CD9: variants seen among roughly 807,000 people sequenced by gnomAD.
CD9 encodes CD9 antigen.
In CD9, 10 loss-of-function variants were observed where a neutral mutation model predicts 31.4. The ratio of observed to expected loss-of-function variants is 0.32; its 90% CI spans 0.20 to 0.54. The LOEUF is 0.54. Ranked by LOEUF, CD9 falls within the 20% of genes least tolerant of loss-of-function variation. The pLI is 0.94. For synonymous variants in CD9, 113 were observed against 114.1 expected (o/e 0.99, Z 0.06); for missense variants, 259 against 300.1 (o/e 0.86, Z 1.01).
At chr12:6,206,281 A>ATCATGGC (rs1946131348) in intron 1 of CD9, among the ~76,000 whole-genome samples, 1 of 151,848 alleles carries the variant, frequency 6.6e-6, no homozygotes. Flanking sequence ...AGTGTTAACA[A>ATCATGGC]TCATGGCTCA....
chr12:6,200,842 GAGCACTTT>G (rs1393138447), intron 1 of CD9: 10 of 383,880 alleles, frequency 2.6e-5, no homozygotes, highest in African/African-American at 1.7e-4. Context: ...GGAGGGTCCT[GAGCACTTT>G]AGCTCGCCTA....
chr12:6,211,482 G>C (rs1175418004), intron 1 of CD9, among the ~76,000 whole-genome samples: 1 of 152,178 alleles, frequency 6.6e-6, no homozygotes, highest in Non-Finnish European at 1.5e-5. Context: ...TGCCACTCCA[G>C]GCACCACCTG....
Position 6,235,265 on chromosome 12 carries a change from T to C in CD9, c.385T>C (p.Tyr129His), listed in dbSNP as rs1398910885. Residue 129 changes from tyrosine (Y) to histidine (H), a missense_variant, in exon 5 of 8, where the codon TAC becomes CAC. By Grantham distance (83) the Tyr-to-His change is moderately conservative. Transcript: ENST00000009180. Reference protein sequence around the residue: ...KEVQEFYKDTYNKLKTKDEPQ... With the variant: ...KEVQEFYKDTHNKLKTKDEPQ... ...AGTCCAGGAGTTTTACAAGGACACC[T>C]ACAACAAGCTGAAAACCAAGGATGA... 1 of 1,612,480 alleles carries C rather than the reference T, an allele frequency of 6.2e-7. No individual in the cohort carries two copies. Among genetic ancestry groups the C allele is most frequent in the South Asian group, 1.1e-5 (1 of 91,072 alleles).
chr12:6,237,702 T>C, intron 7 of CD9, 61 bp from the exon 8 acceptor site: 1 of 1,298,122 alleles, frequency 7.7e-7, no homozygotes, highest in Non-Finnish European at 1.1e-6. Context: ...GTCTCTCCCT[T>C]TCCCTCAGCC....
At chr12:6,213,678 A>G (rs915171701) in intron 1 of CD9, among the ~76,000 whole-genome samples, 2 of 152,184 alleles carry the variant, frequency 1.3e-5, no homozygotes, top group Admixed American at 6.5e-5. Context: ...TCCCAGAGAG[A>G]TGCAGAGCCA....
At chr12:6,223,293 G>C (rs1446243044) in intron 1 of CD9, among the ~76,000 whole-genome samples, 7 of 146,504 alleles carry the variant, frequency 4.8e-5, no homozygotes, top group African/African-American at 7.7e-5. Context: ...AGGGAGTCTC[G>C]CTCTGTCGCC....
intron 1 of CD9, among the ~76,000 whole-genome samples, chr12:6,224,634 C>T (rs973477952): frequency 6.6e-6 from 1 of 152,198 alleles, no homozygotes; most frequent in Non-Finnish European, 1.5e-5. Context: ...CCACCCACTC[C>T]TGCGTCCAGC....
At chr12:6,204,983 T>G (rs1355349678) in intron 1 of CD9, among the ~76,000 whole-genome samples, 1 of 152,156 alleles carries the variant, frequency 6.6e-6, no homozygotes, top group African/African-American at 2.4e-5. Context: ...CTTCTGAAAA[T>G]AAAATTGCCT....
At chr12:6,206,432 C>T (rs546934836) in intron 1 of CD9, among the ~76,000 whole-genome samples, 55 of 152,276 alleles carry the variant, frequency 3.6e-4, no homozygotes, top group African/African-American at 1.3e-3. Context: ...CTATGTTGCC[C>T]AGGCTGGTCT....
In CD9 at chr12:6,214,344, C is replaced by CTTTTTTTTTTTT. The variant is rs71450123; in HGVS notation, c.67-11069_67-11058dup. Among the ~76,000 whole-genome samples, 40 of 67,072 alleles carry CTTTTTTTTTTTT rather than the reference C, an allele frequency of 6.0e-4. 4 individuals carry two copies. The highest frequency in any genetic ancestry group is 1.5e-3 in the East Asian group (3 of 2,028). 44.0% of individuals were successfully genotyped at this position (67,072 alleles called of 152,430 possible). ...CAACCTGCAACTTGACCATTAGCCT[C>CTTTTTTTTTTTT]TTTTTTTTTTTTTTTTTTTTTTTTG... On this transcript the variant is annotated intron_variant, in intron 1 of 7. Coordinates refer to ENST00000009180, the MANE Select transcript of CD9 (RefSeq NM_001769.4).
At chr12:6,211,479 C>A (rs1946193544) in intron 1 of CD9, among the ~76,000 whole-genome samples, 1 of 152,196 alleles carries the variant, frequency 6.6e-6, no homozygotes, top group Non-Finnish European at 1.5e-5. Context: ...CCCTGCCACT[C>A]CAGGCACCAC....
intron 4 of CD9, chr12:6,234,444 T>A (rs918281329): frequency 5.9e-5 from 9 of 151,924 alleles, no homozygotes; most frequent in African/African-American, 2.2e-4. Context: ...ACTCACTACT[T>A]TTAGCCCAGC....
chr12:6,229,185 T>C (rs1361991670), intron 2 of CD9, among the ~76,000 whole-genome samples: 2 of 152,162 alleles, frequency 1.3e-5, no homozygotes, highest in Non-Finnish European at 2.9e-5. Context: ...CTGGTGTCCC[T>C]CCAGAACCAT....
intron 1 of CD9, among the ~76,000 whole-genome samples, chr12:6,204,938 G>A (rs1946114561): frequency 1.3e-5 from 2 of 152,204 alleles, no homozygotes; most frequent in Admixed American, 6.5e-5. Context: ...CATTTCATGG[G>A]TTGCTACTGC....
intron 1 of CD9, among the ~76,000 whole-genome samples, chr12:6,205,299 A>G (rs1453971866): frequency 6.6e-6 from 1 of 152,192 alleles, no homozygotes; most frequent in Non-Finnish European, 1.5e-5. Flanking sequence ...ACAAAGACCC[A>G]ATCTTTTGAT....
At position 6,200,554 on chromosome 12, in the gene CD9, T is replaced by G. The variant is rs756383761; in HGVS notation, c.55T>G (p.Phe19Val). 4 of 1,608,578 alleles carry G rather than the reference T, an allele frequency of 2.5e-6. No individual in the cohort carries two copies. The highest frequency in any genetic ancestry group is 2.7e-5 in the African/African-American group (2 of 74,698). Residue 19 changes from phenylalanine to valine, a missense_variant, in exon 1 of 8, where the codon TTC (phenylalanine) becomes GTC (valine). Physicochemically the swap from Phe to Val is conservative, Grantham distance 50 (BLOSUM62 -1). Coordinates refer to ENST00000009180, the MANE Select transcript of CD9 (RefSeq NM_001769.4). ...CIKYLLFGFN[F>V]IFWLAGIAVL... ...CAAATACCTGCTGTTCGGATTTAAC[T>G]TCATCTTCTGGGTGAGTGAGCGCGA... is the stretch of plus-strand genomic sequence containing the variant.
chr12:6,223,591 G>T (rs947077574), intron 1 of CD9, among the ~76,000 whole-genome samples: 1 of 132,980 alleles, frequency 7.5e-6, no homozygotes, highest in Non-Finnish European at 1.5e-5. Context: ...TCAGGGACCT[G>T]GGGGGGGACC....
intron 1 of CD9, among the ~76,000 whole-genome samples, chr12:6,221,948 T>C (rs1426760458): frequency 1.3e-5 from 2 of 152,088 alleles, no homozygotes; most frequent in Non-Finnish European, 1.5e-5. Flanking sequence ...TGAGCTATGA[T>C]TGCACCACTG....
intron 2 of CD9, chr12:6,226,355 T>C (rs1357156421): frequency 6.6e-6 from 1 of 152,234 alleles, no homozygotes; most frequent in East Asian, 1.9e-4. Flanking sequence ...TCTGCCTGGC[T>C]TGGAGGTAGG....
Sources: gnomAD v4.1 joint callset for allele counts (sites outside exome capture counted in the v4.1 genomes callset) on GRCh38, gnomAD v4.1.1 for gene constraint, MANE v1.5 for transcripts, NCBI Gene and HGNC (gene_info 2026-07-23, HGNC 2026-07-21) for gene names.